TSGA10: variants seen among roughly 807,000 people sequenced by gnomAD.
TSGA10 encodes testis specific 10.
Under a neutral mutation model 96.6 loss-of-function variants are expected in TSGA10, and 43 were observed. That is an observed-to-expected ratio of 0.44 (90% CI 0.35 to 0.57). TSGA10 has a LOEUF of 0.57. Ranked by LOEUF, TSGA10 falls within the 20% of genes least tolerant of loss-of-function variation. The pLI, the probability that TSGA10 is intolerant of heterozygous loss-of-function variation, is 0.01. For synonymous variants in TSGA10, 229 were observed against 269.9 expected (o/e 0.85, Z 1.48); for missense variants, 703 against 834.4 (o/e 0.84, Z 1.94).
intron 16 of TSGA10, among the ~76,000 whole-genome samples, chr2:99,035,790 A>G (rs146739428): frequency 2.0e-5 from 3 of 152,250 alleles, no homozygotes; most frequent in East Asian, 1.9e-4. Flanking sequence ...CAATTATTTT[A>G]TAATACAAAT....
intron 17 of TSGA10, among the ~76,000 whole-genome samples, chr2:99,033,181 T>C (rs2081298141): frequency 6.6e-6 from 1 of 152,204 alleles, no homozygotes; most frequent in Admixed American, 6.5e-5. Context: ...AGAGAAATGC[T>C]GGCTATCCAA....
At chr2:99,073,995 CTTTTCTTTTTTTTT>C (rs1322334262) in intron 12 of TSGA10, among the ~76,000 whole-genome samples, 1 of 36,138 alleles carries the variant, frequency 2.8e-5, no homozygotes, top group African/African-American at 1.1e-4. Flanking sequence ...GTTCCTGTTT[CTTTTCTTTTTTTTT>C]TTTTTTTTTT....
intron 20 of TSGA10, among the ~76,000 whole-genome samples, chr2:99,013,400 T>G (rs1443967927): frequency 6.6e-6 from 1 of 152,098 alleles, no homozygotes; most frequent in Non-Finnish European, 1.5e-5. Context: ...TGGCGCAATC[T>G]CGGCTCACTG....
At chr2:99,005,942 G>A (rs1443783994) in intron 20 of TSGA10, among the ~76,000 whole-genome samples, 2 of 152,156 alleles carry the variant, frequency 1.3e-5, no homozygotes, top group Non-Finnish European at 2.9e-5. Flanking sequence ...TACCAAAACA[G>A]AGATATAGAT....
intron 20 of TSGA10, among the ~76,000 whole-genome samples, chr2:99,004,737 A>G (rs1327954661): frequency 1.3e-5 from 2 of 151,994 alleles, no homozygotes; most frequent in Non-Finnish European, 2.9e-5. Flanking sequence ...GTACCATTCC[A>G]TCTGAAACTA....
intron 20 of TSGA10, among the ~76,000 whole-genome samples, chr2:99,014,983 T>A (rs998751895): frequency 1.3e-5 from 2 of 151,886 alleles, no homozygotes; most frequent in Non-Finnish European, 2.9e-5. Context: ...AGTAGAGAGA[T>A]TAAAACAGTA....
intron 2 of TSGA10, among the ~76,000 whole-genome samples, chr2:99,123,638 AT>A (rs1000344653): frequency 6.6e-6 from 1 of 152,086 alleles, no homozygotes; most frequent in African/African-American, 2.4e-5. Flanking sequence ...TATTTCCAGA[AT>A]TTTTTTATTC....
chr2:99,109,507 T>A lies in TSGA10; in HGVS notation c.-68A>T. 1 of 1,592,910 alleles carries A rather than the reference T, an allele frequency of 6.3e-7. No individual in the cohort carries two copies. The highest frequency in any genetic ancestry group is 8.6e-7 in the Non-Finnish European group (1 of 1,167,362). On this transcript the variant is annotated 5_prime_UTR_variant, in exon 6 of 21. Coordinates refer to ENST00000393483, the MANE Select transcript of TSGA10 (RefSeq NM_025244.4). ...TGCTTCCAAAGTCTTGACAAAGGAA[T>A]CAAGTCTAGAAGGAGATTTATTTTG...
chr2:99,154,043 G>C (rs2093722620), intron 1 of TSGA10, among the ~76,000 whole-genome samples: 1 of 152,200 alleles, frequency 6.6e-6, no homozygotes, highest in Admixed American at 6.5e-5. Context: ...TTGGCCAATA[G>C]AATATGGCTG....
intron 16 of TSGA10, among the ~76,000 whole-genome samples, chr2:99,046,069 AAAG>A: frequency 6.6e-6 from 1 of 152,304 alleles, no homozygotes; most frequent in Admixed American, 6.5e-5. Context: ...CCAGATGAAT[AAAG>A]CAAGTCCTTA....
At chr2:99,118,364 T>C (rs1171195483) in intron 3 of TSGA10, among the ~76,000 whole-genome samples, 187 bp downstream of exon 3, 1 of 150,498 alleles carries the variant, frequency 6.6e-6, no homozygotes, top group African/African-American at 2.4e-5. Flanking sequence ...GGTACAAGAA[T>C]TGCTTGAACC....
At position 99,105,645 on chromosome 2, in the gene TSGA10, C is replaced by A; in HGVS notation, c.263G>T (p.Ser88Ile). 6.3e-7 allele frequency: 1 copy of A among 1,597,612 alleles called. No individual in the cohort carries two copies. Among genetic ancestry groups the A allele is most frequent in the East Asian group, 2.3e-5 (1 of 44,330 alleles). Residue 88 changes from serine (S) to isoleucine (I), a missense_variant, in exon 8 of 21, where the codon AGT becomes ATT. By Grantham distance (142) the Ser-to-Ile change is moderately radical. This residue lies in a region of TSGA10 where 585 missense variants were observed against 656.8 expected (regional missense o/e 0.89). Transcript: ENST00000393483. ...LRREMMKSCK[S>I]PKSTTAHAIL... is the part of the protein sequence containing the mutation. ...AGCATGTGCCGTTGTTGATTTAGGA[C>A]TCTTACAGCTTTTCATCATTTCTCG...
In TSGA10 at chr2:99,138,696, T is replaced by A. The variant is rs554135928; in HGVS notation, c.-620-11520A>T. ...GTCATTATGGGAAGAGAAAAACTTG[T>A]TCCTTAATTCTCTTTACATAAGGAT... On this transcript the variant is annotated intron_variant, in intron 1 of 20. Transcript: ENST00000393483. Among the ~76,000 whole-genome samples the A allele has an allele frequency of 4.4e-4, 67 of 152,336 alleles. 1 individual carries two copies. The highest frequency in any genetic ancestry group is 2.9e-3 in the South Asian group (14 of 4,826).
chr2:99,041,208 T>G (rs1197545634), intron 16 of TSGA10, among the ~76,000 whole-genome samples: 1 of 152,222 alleles, frequency 6.6e-6, no homozygotes, highest in Non-Finnish European at 1.5e-5. Flanking sequence ...GCATAAGAGA[T>G]AAACATGTCT....
At chr2:99,099,755 A>AT (rs1227119581) in intron 10 of TSGA10, among the ~76,000 whole-genome samples, 2 of 152,188 alleles carry the variant, frequency 1.3e-5, no homozygotes, top group African/African-American at 2.4e-5. Flanking sequence ...AATGTATAAG[A>AT]ATTAGAGAGG....
intron 12 of TSGA10, among the ~76,000 whole-genome samples, chr2:99,073,346 G>A (rs528037575): frequency 3.3e-5 from 5 of 152,220 alleles, no homozygotes; most frequent in Admixed American, 6.5e-5. Context: ...GATATTTTAT[G>A]CAGTCACCCA....
At chr2:98,999,181 C>G (rs1159648991) in intron 20 of TSGA10, among the ~76,000 whole-genome samples, 2 of 152,002 alleles carry the variant, frequency 1.3e-5, no homozygotes, top group African/African-American at 4.8e-5. Flanking sequence ...TAGTCAGGAG[C>G]CACTGTGTAT....
intron 16 of TSGA10, among the ~76,000 whole-genome samples, chr2:99,045,416 C>CG: frequency 6.6e-6 from 1 of 152,226 alleles, no homozygotes; most frequent in African/African-American, 2.4e-5. Flanking sequence ...CAGAAGACAG[C>CG]AGGGCCAATA....
chr2:99,078,692 AT>A lies in TSGA10; in HGVS notation c.848del (p.Asn283IlefsTer11). The A allele has an allele frequency of 6.2e-7, 1 of 1,613,734 alleles. No homozygotes were observed. Among genetic ancestry groups the A allele is most frequent in the Non-Finnish European group, 8.5e-7 (1 of 1,179,872 alleles). On this transcript the variant is annotated frameshift_variant, in exon 12 of 21. Transcript: ENST00000393483. LOFTEE classifies it high-confidence loss of function. ...LQACLDKKSE[N>X]IASLGESLAM... Reference sequence around the variant, plus strand: ...CCAAACTCTCTCCAAGGGATGCAATATTCTCAGATTTTTTATCCAAACATGC... The same window carrying A: ...CCAAACTCTCTCCAAGGGATGCAATATCTCAGATTTTTTATCCAAACATGC...
Sources: gnomAD v4.1 joint callset for allele counts (sites outside exome capture counted in the v4.1 genomes callset) on GRCh38, gnomAD v4.1.1 for gene constraint, gnomAD v4.1.1 regional missense constraint, MANE v1.5 for transcripts, NCBI Gene and HGNC (gene_info 2026-07-23, HGNC 2026-07-21) for gene names.